The following TRDN variants were observed in gnomAD, a reference collection of about 807,000 sequenced individuals.
TRDN encodes triadin, also known as triadin in skeletal muscle.
Under a neutral mutation model 149.7 loss-of-function variants are expected in TRDN, and 161 were observed. The ratio of observed to expected loss-of-function variants is 1.08; its 90% CI spans 0.95 to 1.23. The LOEUF (loss-of-function observed/expected upper bound fraction) is 1.23. Ranked by LOEUF, TRDN falls within the 50% of genes most tolerant of loss-of-function variation. The pLI is 0.00. For synonymous variants in TRDN, 294 were observed against 250.5 expected, an observed-to-expected ratio of 1.17 and a Z score of -1.64; for missense variants, 896 against 823.5, an observed-to-expected ratio of 1.09 and a Z score of -1.08.
At chr6:123,625,066 C>CTT (rs3064015) in intron 1 of TRDN, among the ~76,000 whole-genome samples, 189 of 144,468 alleles carry the variant, frequency 1.3e-3, no homozygotes, top group African/African-American at 4.4e-3. Context: ...CTTCCTGTCT[C>CTT]TTTTTTTTTT....
chr6:123,274,397 A>G (rs1395135577), intron 27 of TRDN, among the ~76,000 whole-genome samples: 2 of 152,162 alleles, frequency 1.3e-5, no homozygotes, highest in Non-Finnish European at 2.9e-5. Context: ...AAATGTCTCC[A>G]GAAACCTAGA....
intron 7 of TRDN, among the ~76,000 whole-genome samples, chr6:123,506,021 T>C (rs4523105): frequency 0.8 from 122,153 of 152,168 alleles, 49,142 homozygotes; most frequent in East Asian, 0.88. Context: ...TAAACTCATA[T>C]GTTTCTGTGA....
rs1318866747 is a variant in TRDN, at chr6:123,498,540, T to C, written c.794-1288A>G. 6 of 470,850 alleles carry C rather than the reference T, an allele frequency of 1.3e-5. No homozygotes were observed. In the East Asian group the frequency reaches 2.8e-4, roughly 22 times the overall value. The allele number at this position is 470,850 out of a possible 1,614,324, so 29.2% of individuals were successfully genotyped here. A position where few individuals can be genotyped will look rare whatever the true frequency, so the allele number is the denominator to read the frequency against. On this transcript the variant is annotated intron_variant, in intron 8 of 40. Coordinates refer to ENST00000334268, the MANE Select transcript of TRDN (RefSeq NM_006073.4). ...GGAGCACATTTTCCCACAGGAGAGGTAGGGAATGGGAAGGAGGCTAGTCCT... is the reference window on the plus strand; with the variant it reads ...GGAGCACATTTTCCCACAGGAGAGGCAGGGAATGGGAAGGAGGCTAGTCCT...
chr6:123,510,642 C>CTTTTTTTTTTT (rs145396385), intron 7 of TRDN, among the ~76,000 whole-genome samples: 1 of 138,482 alleles, frequency 7.2e-6, no homozygotes, highest in African/African-American at 2.7e-5. Context: ...TGCATGACCA[C>CTTTTTTTTTTT]TTTTTTTTTT....
chr6:123,453,833 C>G (rs976646323), intron 10 of TRDN, among the ~76,000 whole-genome samples: 6 of 151,834 alleles, frequency 4.0e-5, no homozygotes, highest in Non-Finnish European at 8.8e-5. Context: ...TTCACAATTA[C>G]AAAATTGTGA....
At chr6:123,529,259 T>G (rs560860837) in intron 5 of TRDN, 1 of 1,549,010 alleles carries the variant, frequency 6.5e-7, no homozygotes, top group African/African-American at 1.4e-5. Flanking sequence ...CATGGTTCGC[T>G]TAGTCAATCC....
intron 38 of TRDN, among the ~76,000 whole-genome samples, chr6:123,227,127 T>C (rs546150852): frequency 1.6e-4 from 25 of 151,836 alleles, no homozygotes; most frequent in Middle Eastern, 3.4e-3. Flanking sequence ...AAGAGACAAA[T>C]AATGTTTTAG....
chr6:123,381,328 TAAA>T, intron 16 of TRDN, 39 bp downstream of exon 16: 1 of 1,232,494 alleles, frequency 8.1e-7, no homozygotes, highest in Non-Finnish European at 1.1e-6. Context: ...ATAATAGTAG[TAAA>T]AAAAAAAGTA....
At chr6:123,551,170 CCTTATGCTTAAA>C (rs1307399051) in intron 2 of TRDN, among the ~76,000 whole-genome samples, 3 of 123,702 alleles carry the variant, frequency 2.4e-5, no homozygotes, top group African/African-American at 9.3e-5. Context: ...GTTTAATTAT[CCTTATGCTTAAA>C]TGCACTGTAT....
intron 38 of TRDN, among the ~76,000 whole-genome samples, chr6:123,245,811 C>T (rs2114555052): frequency 6.6e-6 from 1 of 152,284 alleles, no homozygotes; most frequent in Middle Eastern, 3.4e-3. Context: ...CCACATAGCA[C>T]TTATTCCAAG....
chr6:123,273,526 C>T (rs1336341271), intron 27 of TRDN, among the ~76,000 whole-genome samples, 163 bp from the exon 28 acceptor site: 1 of 151,810 alleles, frequency 6.6e-6, no homozygotes, highest in African/African-American at 2.4e-5. Flanking sequence ...ATACAAAATG[C>T]TTATATCTGG....
At chr6:123,307,652 A>G (rs992671072) in intron 24 of TRDN, among the ~76,000 whole-genome samples, 1 of 151,850 alleles carries the variant, frequency 6.6e-6, no homozygotes, top group African/African-American at 2.4e-5. Context: ...TGTCTCACTC[A>G]TCTTACCCCC....
intron 1 of TRDN, among the ~76,000 whole-genome samples, chr6:123,608,120 T>G (rs1784605767): frequency 6.6e-6 from 1 of 152,156 alleles, no homozygotes; most frequent in South Asian, 2.1e-4. Flanking sequence ...ATGTGATACT[T>G]CAAATGGGCA....
intron 24 of TRDN, among the ~76,000 whole-genome samples, chr6:123,303,490 T>C (rs1778502750): frequency 6.6e-6 from 1 of 152,100 alleles, no homozygotes; most frequent in Admixed American, 6.6e-5. Flanking sequence ...GAAGAAAACA[T>C]GTGCAAACAG....
chr6:123,576,940 C>G (rs193219718), intron 1 of TRDN, among the ~76,000 whole-genome samples: 1 of 151,784 alleles, frequency 6.6e-6, no homozygotes, highest in South Asian at 2.1e-4. Context: ...TATAACTCAC[C>G]TGCACATGTA....
rs1776690033 is a variant in TRDN, at chr6:123,259,622, A to C, written c.1870+2T>G. ...GTATATGTCTTAAAATGTCATTTTT[A>C]CCTTTACTTTCTTTTTCAGATATTT... On this transcript the variant is annotated splice_donor_variant, in intron 35 of 40. Transcript: ENST00000334268. LOFTEE classifies it high-confidence loss of function. The C allele has an allele frequency of 6.8e-7, 1 of 1,476,122 alleles. No homozygotes were observed. The highest frequency in any genetic ancestry group is 2.1e-5 in the Admixed American group (1 of 46,944). 91.4% of individuals were successfully genotyped at this position (1,476,122 alleles called of 1,614,324 possible).
At chr6:123,335,527 C>T (rs1779829867) in intron 22 of TRDN, among the ~76,000 whole-genome samples, 1 of 151,726 alleles carries the variant, frequency 6.6e-6, no homozygotes, top group Admixed American at 6.6e-5. Context: ...ATTACAAAAG[C>T]CTACTTAATG....
intron 20 of TRDN, among the ~76,000 whole-genome samples, chr6:123,359,820 C>G (rs374105328): frequency 6.6e-6 from 1 of 151,926 alleles, no homozygotes; most frequent in Admixed American, 6.6e-5. Context: ...CTCAGCCTCC[C>G]GAGTAGCTGG....
chr6:123,283,626 T>G (rs1010989628), intron 24 of TRDN, among the ~76,000 whole-genome samples: 8 of 151,416 alleles, frequency 5.3e-5, no homozygotes, highest in Non-Finnish European at 7.4e-5. Context: ...ATATTACAAC[T>G]GACACCACAA....
Sources: gnomAD v4.1 joint callset for allele counts (sites outside exome capture counted in the v4.1 genomes callset) on GRCh38, gnomAD v4.1.1 for gene constraint, MANE v1.5 for transcripts, NCBI Gene and HGNC (gene_info 2026-07-23, HGNC 2026-07-21) for gene names.